Variants in IL4I1 observed in about 807,000 individuals in gnomAD.
IL4I1 encodes interleukin 4 induced 1, also known as L-amino-acid oxidase.
A neutral mutation model predicts 29.7 loss-of-function variants in IL4I1; 24 were observed. That is an observed-to-expected ratio of 0.81 (90% confidence interval 0.59 to 1.14). The LOEUF (loss-of-function observed/expected upper bound fraction) is 1.14. IL4I1 is among the 50% of genes most tolerant of loss of function. The pLI, the probability that IL4I1 is intolerant of heterozygous loss-of-function variation, is 0.00. For synonymous variants in IL4I1, 371 were observed against 352.5 expected, an observed-to-expected ratio of 1.05 and a Z score of -0.59; for missense variants, 686 against 785.6, an observed-to-expected ratio of 0.87 and a Z score of 1.52.
intron 2 of IL4I1, among the ~76,000 whole-genome samples, chr19:49,927,138 G>C (rs2075915022): frequency 6.6e-6 from 1 of 152,118 alleles, no homozygotes; most frequent in Admixed American, 6.6e-5. Flanking sequence ...TGGGACTACA[G>C]GCATGAGCCA....
In IL4I1 at chr19:49,921,998, G is replaced by A. The variant is rs766112305; in HGVS notation, c.-228+5696C>T. On this transcript the variant is annotated intron_variant, in intron 2 of 9. Transcript: ENST00000341114. The surrounding 1 kb of genome is among the most constrained non-coding windows in gnomAD (Gnocchi z 5.4). ...CTAGGGCCCCAGGCCAGGCCACCACGACCACGAGGGACCAAGACAACAAGC... is the reference window on the plus strand; with the variant it reads ...CTAGGGCCCCAGGCCAGGCCACCACAACCACGAGGGACCAAGACAACAAGC... Among the ~76,000 whole-genome samples the A allele has an allele frequency of 1.3e-5, 2 of 152,174 alleles. No individual in the cohort carries two copies. The highest frequency in any genetic ancestry group is 1.3e-4 in the Admixed American group (2 of 15,280).
chr19:49,920,645 C>A (rs917219578), intron 2 of IL4I1, among the ~76,000 whole-genome samples: 4 of 152,190 alleles, frequency 2.6e-5, no homozygotes, highest in African/African-American at 7.2e-5. Flanking sequence ...GGCAACGGCT[C>A]GGGCAGAGTT....
rs530372497 is a variant in IL4I1, at chr19:49,914,726, G to GTTTTTTTTT, written c.-227-10414_-227-10406dup. ...GATTCTTGTGCCACTCCAAGTCCCA[G>GTTTTTTTTT]TTTTTTTTTTTTTTTTTTTTTTTTT... On this transcript the variant is annotated intron_variant, in intron 2 of 9. Coordinates refer to the IL4I1 transcript ENST00000341114. Among the ~76,000 whole-genome samples, 284 of 56,382 alleles carry GTTTTTTTTT rather than the reference G, an allele frequency of 5.0e-3. 47 individuals are homozygous for GTTTTTTTTT. The highest frequency in any genetic ancestry group is 0.019 in the Middle Eastern group (1 of 54). 37.0% of individuals were successfully genotyped at this position (56,382 alleles called of 152,430 possible).
upstream of IL4I1, among the ~76,000 whole-genome samples, chr19:49,898,890 CAAAA>C (rs1430694440): frequency 6.6e-6 from 1 of 152,052 alleles, no homozygotes; most frequent in African/African-American, 2.4e-5. Flanking sequence ...AACAAACAAA[CAAAA>C]AACCAACAAC....
chr19:49,917,034 G>A (rs1023663832), intron 2 of IL4I1, among the ~76,000 whole-genome samples: 6 of 152,260 alleles, frequency 3.9e-5, no homozygotes, highest in Non-Finnish European at 8.8e-5. Flanking sequence ...CGGACAGGGT[G>A]CGGAGCTGTC....
intron 2 of IL4I1, among the ~76,000 whole-genome samples, chr19:49,915,514 AC>A (rs1281489996): frequency 1.3e-5 from 2 of 152,186 alleles, no homozygotes; most frequent in African/African-American, 2.4e-5. Flanking sequence ...TAGACTCTGG[AC>A]CCCCAGCACT....
intron 2 of IL4I1, among the ~76,000 whole-genome samples, chr19:49,919,178 T>C (rs762812651): frequency 6.6e-6 from 1 of 152,094 alleles, no homozygotes; most frequent in Non-Finnish European, 1.5e-5. Context: ...ACTCATTTTG[T>C]GAATAGGTAG....
chr19:49,920,229 C>T lies in IL4I1; in HGVS notation c.-228+7465G>A, dbSNP rs554782488. Among the ~76,000 whole-genome samples, 9 of 152,272 alleles carry T rather than the reference C, an allele frequency of 5.9e-5. No individual in the cohort carries two copies. The East Asian group carries it at 1.4e-3, about 23-fold the overall frequency. On this transcript the variant is annotated intron_variant, in intron 2 of 9. Transcript: ENST00000341114. Reference sequence around the variant, plus strand: ...TCCCAAGTAGCTGGGACTACAGGCGCGTGCCACCACACCCAGCTAACTTTT... The same window carrying T: ...TCCCAAGTAGCTGGGACTACAGGCGTGTGCCACCACACCCAGCTAACTTTT...
At chr19:49,918,078 CTTTTTT>C (rs559266842) in intron 2 of IL4I1, among the ~76,000 whole-genome samples, 66 of 132,658 alleles carry the variant, frequency 5.0e-4, no homozygotes, top group African/African-American at 1.8e-3. Context: ...TTTCCTTTTT[CTTTTTT>C]TTTTTTTGAG....
intron 2 of IL4I1, among the ~76,000 whole-genome samples, chr19:49,920,821 G>C (rs780321722): frequency 1.3e-5 from 2 of 152,230 alleles, no homozygotes; most frequent in Non-Finnish European, 2.9e-5. Flanking sequence ...GAGAGCAGCG[G>C]ACAGGCGTGT....
chr19:49,893,224 G>A (rs1314986629), intron 5 of IL4I1, among the ~76,000 whole-genome samples: 1 of 152,078 alleles, frequency 6.6e-6, no homozygotes, highest in South Asian at 2.1e-4. Flanking sequence ...TGGGTGTGTG[G>A]GAAGACGTTT....
In IL4I1 at chr19:49,890,342, CA is replaced by C. The variant is rs893787933; in HGVS notation, c.1031del (p.Leu344ArgfsTer14). On this transcript the variant is annotated frameshift_variant, in exon 8 of 8. Coordinates refer to ENST00000391826, the MANE Select transcript of IL4I1 (RefSeq NM_152899.2). LOFTEE classifies it low-confidence loss of function (END_TRUNC). ...PPLPRHMQEA[L>X]RRLHYVPATK... ...TGGCCGGCACGTAGTGCAGCCTCCG[CA>C]GCGCCTCCTGCATGTGGCGGGGCAG... The C allele has an allele frequency of 1.2e-6, 2 of 1,607,742 alleles. No homozygotes were observed. The highest frequency in any genetic ancestry group is 1.7e-6 in the Non-Finnish European group (2 of 1,177,660).
intron 2 of IL4I1, among the ~76,000 whole-genome samples, chr19:49,905,988 C>T (rs1175953120): frequency 6.6e-6 from 1 of 152,114 alleles, no homozygotes; most frequent in African/African-American, 2.4e-5. Flanking sequence ...TGCCCACAGA[C>T]TGAGATGGAA....
chr19:49,890,726 C>T (rs546466680), intron 7 of IL4I1, 126 bp from the exon 8 acceptor site: 2 of 934,296 alleles, frequency 2.1e-6, no homozygotes, highest in African/African-American at 1.7e-5. Context: ...TCATCCACCT[C>T]TCCCGACCCC....
intron 7 of IL4I1, 43 bp downstream of exon 7, chr19:49,890,928 T>TGG: frequency 3.2e-6 from 2 of 633,208 alleles, no homozygotes; most frequent in Non-Finnish European, 4.9e-6. Context: ...TTTCCCTGAT[T>TGG]GCCCCCCGCC....
At chr19:49,891,613 C>A in intron 5 of IL4I1, 140 bp from the exon 6 acceptor site, 1 of 700,222 alleles carries the variant, frequency 1.4e-6, no homozygotes, top group Non-Finnish European at 2.5e-6. Flanking sequence ...TGGGCTTTTG[C>A]CCACACCATG....
intron 2 of IL4I1, among the ~76,000 whole-genome samples, chr19:49,918,115 C>T (rs2075672186): frequency 6.6e-6 from 1 of 151,314 alleles, no homozygotes; most frequent in South Asian, 2.1e-4. Flanking sequence ...ACTCTGTCAT[C>T]CAGTGCAGTG....
At position 49,889,936 on chromosome 19, in the gene IL4I1, C is replaced by T. The variant is rs751978658; in HGVS notation, c.1438G>A (p.Gly480Ser). 3 of 1,604,640 alleles carry T rather than the reference C, an allele frequency of 1.9e-6. No individual in the cohort carries two copies. Among genetic ancestry groups the T allele is most frequent in the African/African-American group, 1.3e-5 (1 of 74,626 alleles). The change falls in exon 8 of 8, where the codon GGC (glycine) becomes AGC (serine). Residue 480 changes from glycine (G) to serine (S), a missense_variant. By Grantham distance (56) the Gly-to-Ser change is moderately conservative (BLOSUM62 0). Coordinates refer to ENST00000391826, the MANE Select transcript of IL4I1 (RefSeq NM_152899.2). ...TVPYGRIYFA[G>S]EHTAYPHGWV... ...CCGTGCGGGTAGGCGGTGTGCTCGC[C>T]GGCAAAGTAGATGCGGCCATAAGGG...
At chr19:49,923,304 C>T (rs767713438) in intron 2 of IL4I1, among the ~76,000 whole-genome samples, 4 of 152,232 alleles carry the variant, frequency 2.6e-5, no homozygotes, top group Non-Finnish European at 5.9e-5. Flanking sequence ...GTTACCCTCC[C>T]TGGCTCCTCT....
Sources: gnomAD v4.1 joint callset for allele counts (sites outside exome capture counted in the v4.1 genomes callset) on GRCh38, gnomAD v4.1.1 for gene constraint, Gnocchi (gnomAD v3.1) non-coding constraint, MANE v1.5 for transcripts, NCBI Gene and HGNC (gene_info 2026-07-23, HGNC 2026-07-21) for gene names.